The following EIF3H variants were observed in gnomAD, a reference collection of about 807,000 sequenced individuals.
The protein encoded by EIF3H is eIF-3-gamma.
A neutral mutation model predicts 44.2 loss-of-function variants in EIF3H; 26 were observed. The ratio of observed to expected loss-of-function variants is 0.59; its 90% CI spans 0.43 to 0.82. EIF3H has a LOEUF of 0.82. Ranked by LOEUF, EIF3H falls within the 40% of genes least tolerant of loss-of-function variation. The probability of loss-of-function intolerance (pLI) is 0.00; values close to 1 mark genes in which losing one functional copy is unlikely to be tolerated. For missense variants in EIF3H, 359 were observed against 432.8 expected, an observed-to-expected ratio of 0.83 and a Z score of 1.51; for synonymous variants, 166 against 151.9, an observed-to-expected ratio of 1.09 and a Z score of -0.68.
intron 1 of EIF3H, among the ~76,000 whole-genome samples, chr8:116,739,418 C>T (rs1338497599): frequency 1.3e-5 from 2 of 152,158 alleles, no homozygotes; most frequent in Admixed American, 6.5e-5. Flanking sequence ...TTGGAGGCCG[C>T]GGCGGGCAGA....
intron 2 of EIF3H, among the ~76,000 whole-genome samples, chr8:116,704,509 TTTC>T (rs1435933115): frequency 6.6e-6 from 1 of 152,184 alleles, no homozygotes; most frequent in African/African-American, 2.4e-5. Context: ...AGGGGAAAAA[TTTC>T]TTGTTGCTGT....
At chr8:116,681,876 T>C (rs868051536) in intron 2 of EIF3H, among the ~76,000 whole-genome samples, 1 of 152,118 alleles carries the variant, frequency 6.6e-6, no homozygotes, top group Non-Finnish European at 1.5e-5. Context: ...CTCTAATTCA[T>C]AACAAAATTC....
intron 2 of EIF3H, among the ~76,000 whole-genome samples, chr8:116,700,706 A>G (rs1259199595): frequency 3.3e-5 from 5 of 152,236 alleles, no homozygotes; most frequent in Admixed American, 2.6e-4. Flanking sequence ...GAAGACATCC[A>G]TAAGTAAAAC....
At chr8:116,699,418 T>C (rs77844766) in intron 2 of EIF3H, among the ~76,000 whole-genome samples, 7,588 of 152,272 alleles carry the variant, frequency 0.05, 313 homozygotes, top group Admixed American at 0.15. Context: ...CACTGATGCA[T>C]GCCATTATCC....
At chr8:116,667,345 C>T (rs1330312455) in intron 2 of EIF3H, among the ~76,000 whole-genome samples, 1 of 151,878 alleles carries the variant, frequency 6.6e-6, no homozygotes, top group Non-Finnish European at 1.5e-5. Flanking sequence ...GAAGACATTT[C>T]TGTTATAGAA....
chr8:116,746,961 TAA>T (rs1294750347), intron 1 of EIF3H, among the ~76,000 whole-genome samples: 1 of 152,182 alleles, frequency 6.6e-6, no homozygotes, highest in Non-Finnish European at 1.5e-5. Flanking sequence ...TCAAGGCACC[TAA>T]AGTTCAACAA....
Position 116,645,119 on chromosome 8 carries a change from A to C in EIF3H, c.962-16T>G, listed in dbSNP as rs1028563230. 2.5e-6 allele frequency: 4 copies of C among 1,593,724 alleles called. No individual in the cohort carries two copies. Among genetic ancestry groups the C allele is most frequent in the Non-Finnish European group, 3.4e-6 (4 of 1,162,104 alleles). On this transcript the variant is annotated splice_polypyrimidine_tract_variant and intron_variant, in intron 7 of 7. Transcript: ENST00000521861. ...TTTATCTGGCCTGTGCATTTGAGAAAGAGATAGAGCCATAATGTTCCACAA... is the reference window on the plus strand; with the variant it reads ...TTTATCTGGCCTGTGCATTTGAGAACGAGATAGAGCCATAATGTTCCACAA...
chr8:116,761,200 G>C (rs1245494866), intron 1 of EIF3H, among the ~76,000 whole-genome samples: 2 of 152,154 alleles, frequency 1.3e-5, no homozygotes, highest in African/African-American at 4.8e-5. Flanking sequence ...AAATGCCAAT[G>C]GAGAGCACTA....
intron 2 of EIF3H, among the ~76,000 whole-genome samples, chr8:116,709,461 T>A (rs1487532022): frequency 6.6e-6 from 1 of 152,178 alleles, no homozygotes; most frequent in African/African-American, 2.4e-5. Flanking sequence ...TTGTAAGGGA[T>A]CACATGTTTT....
At chr8:116,705,411 C>T (rs1814451576) in intron 2 of EIF3H, among the ~76,000 whole-genome samples, 1 of 151,704 alleles carries the variant, frequency 6.6e-6, no homozygotes, top group African/African-American at 2.4e-5. Context: ...AGTAAGGTAA[C>T]TCAGAAAGAC....
At chr8:116,735,338 G>A (rs773336978) in intron 1 of EIF3H, among the ~76,000 whole-genome samples, 28 of 152,284 alleles carry the variant, frequency 1.8e-4, no homozygotes, top group African/African-American at 4.6e-4. Flanking sequence ...TTGCTAGTGC[G>A]AAAGCAGAAA....
chr8:116,752,774 AGGGAGGGAG>A (rs1815377365), intron 1 of EIF3H, among the ~76,000 whole-genome samples: 5 of 47,004 alleles, frequency 1.1e-4, no homozygotes, highest in Admixed American at 2.5e-4. Context: ...GGAGGGAGGG[AGGGAGGGAG>A]GGAGGGAGGG....
chr8:116,747,124 G>A (rs972347225), intron 1 of EIF3H, among the ~76,000 whole-genome samples: 6 of 152,058 alleles, frequency 3.9e-5, no homozygotes, highest in Admixed American at 6.6e-5. Flanking sequence ...GTGCAGTGGT[G>A]TGATCTCGGC....
chr8:116,764,767 C>A (rs1815551308), intron 1 of EIF3H, among the ~76,000 whole-genome samples: 1 of 152,236 alleles, frequency 6.6e-6, no homozygotes, highest in Non-Finnish European at 1.5e-5. Flanking sequence ...GATCCTCCCG[C>A]CTCGGGCTCC....
intron 1 of EIF3H, among the ~76,000 whole-genome samples, chr8:116,753,275 C>T (rs1815388893): frequency 6.6e-6 from 1 of 152,042 alleles, no homozygotes; most frequent in African/African-American, 2.4e-5. Flanking sequence ...CAGAGGTACC[C>T]ACCACCGTGA....
chr8:116,750,088 C>G (rs1815302415), intron 1 of EIF3H, among the ~76,000 whole-genome samples: 1 of 152,294 alleles, frequency 6.6e-6, no homozygotes, highest in Admixed American at 6.5e-5. Flanking sequence ...CTACCTTGCT[C>G]ACCTATATAA....
At chr8:116,648,673 C>T in intron 6 of EIF3H, 133 bp downstream of exon 6, 1 of 1,097,940 alleles carries the variant, frequency 9.1e-7, no homozygotes. Flanking sequence ...AAATAATAAT[C>T]TTTTAAAAAT....
intron 2 of EIF3H, among the ~76,000 whole-genome samples, chr8:116,675,102 TA>T (rs1563639399): frequency 7.3e-6 from 1 of 136,568 alleles, no homozygotes; most frequent in African/African-American, 3.0e-5. Flanking sequence ...TATTGATTTA[TA>T]AAAAAATCTC....
intron 2 of EIF3H, among the ~76,000 whole-genome samples, chr8:116,713,884 T>A (rs963947881): frequency 1.1e-4 from 16 of 152,068 alleles, no homozygotes; most frequent in Admixed American, 9.8e-4. Flanking sequence ...GTGTACAGAT[T>A]CTCTCTAGTT....
Sources: allele counts gnomAD v4.1 joint callset (sites outside exome capture counted in the v4.1 genomes callset), GRCh38; gene constraint gnomAD v4.1.1; transcripts MANE v1.5; gene names NCBI Gene and HGNC (gene_info 2026-07-23, HGNC 2026-07-21).